MCC: variants seen among roughly 807,000 people sequenced by gnomAD.
The protein encoded by MCC is colorectal mutant cancer protein.
A neutral mutation model predicts 116.2 loss-of-function variants in MCC; 90 were observed. The ratio of observed to expected loss-of-function variants is 0.77; its 90% CI spans 0.65 to 0.92. The LOEUF is 0.92. MCC is among the 40% of genes least tolerant of loss of function. The pLI is 0.00. For synonymous variants in MCC, 578 were observed against 510.5 expected, an observed-to-expected ratio of 1.13 and a Z score of -1.78; for missense variants, 1,516 against 1,312.2, an observed-to-expected ratio of 1.16 and a Z score of -2.40.
intron 6 of MCC, among the ~76,000 whole-genome samples, chr5:113,114,270 A>C (rs1171397134): frequency 1.3e-5 from 2 of 152,238 alleles, no homozygotes; most frequent in Non-Finnish European, 2.9e-5. Context: ...CATTCTAGGC[A>C]AGAAGGTCTC....
intron 6 of MCC, among the ~76,000 whole-genome samples, chr5:113,105,298 C>A (rs754920681): frequency 6.6e-6 from 1 of 152,210 alleles, no homozygotes; most frequent in Non-Finnish European, 1.5e-5. Context: ...ATGCTTCTCA[C>A]CACAGGTTCC....
chr5:113,247,882 A>G (rs1401824480), intron 3 of MCC, among the ~76,000 whole-genome samples: 1 of 152,158 alleles, frequency 6.6e-6, no homozygotes, highest in African/African-American at 2.4e-5. Context: ...TCCAACAGCC[A>G]TTTACAAGTC....
chr5:113,215,704 C>A (rs1263838767), intron 3 of MCC, among the ~76,000 whole-genome samples: 3 of 152,130 alleles, frequency 2.0e-5, no homozygotes, highest in Non-Finnish European at 4.4e-5. Context: ...AATAAGCCTG[C>A]CGGCGCAATG....
At chr5:113,137,749 G>C (rs1401289757) in intron 5 of MCC, among the ~76,000 whole-genome samples, 1 of 152,148 alleles carries the variant, frequency 6.6e-6, no homozygotes, top group Non-Finnish European at 1.5e-5. Context: ...GTATTCATAA[G>C]AAGGGCCACT....
At chr5:113,383,534 C>A (rs1267088313) in intron 2 of MCC, among the ~76,000 whole-genome samples, 2 of 151,986 alleles carry the variant, frequency 1.3e-5, no homozygotes, top group African/African-American at 4.8e-5. Flanking sequence ...ACGAGAGAGA[C>A]AGAGGGAGAG....
At chr5:113,210,789 T>C (rs536995639) in intron 3 of MCC, among the ~76,000 whole-genome samples, 1 of 152,198 alleles carries the variant, frequency 6.6e-6, no homozygotes, top group African/African-American at 2.4e-5. Flanking sequence ...AGTATATGGC[T>C]GTCAGTTTTA....
chr5:113,325,255 C>A (rs1767524433), intron 3 of MCC, among the ~76,000 whole-genome samples: 1 of 152,114 alleles, frequency 6.6e-6, no homozygotes, highest in African/African-American at 2.4e-5. Context: ...CAAACTCTAA[C>A]CAATCCTAAC....
chr5:113,083,073 A>G, intron 10 of MCC, 65 bp from the exon 11 acceptor site: 1 of 1,474,538 alleles, frequency 6.8e-7, no homozygotes, highest in Non-Finnish European at 9.2e-7. Context: ...TTTTGCATGC[A>G]AAAGAATTTA....
At chr5:113,397,736 C>T (rs1769562777) in intron 1 of MCC, among the ~76,000 whole-genome samples, 1 of 152,040 alleles carries the variant, frequency 6.6e-6, no homozygotes, top group Admixed American at 6.6e-5. Flanking sequence ...TATAAAAATC[C>T]TAGTAGAAAA....
Position 113,068,143 on chromosome 5 carries a change from C to T in MCC, c.1966G>A (p.Ala656Thr). 6.2e-7 allele frequency: 1 copy of T among 1,614,162 alleles called. No individual in the cohort carries two copies. The highest frequency in any genetic ancestry group is 8.5e-7 in the Non-Finnish European group (1 of 1,180,024). ...IEAYELLLAL[A>T]ESEQSLILGQ... ...AGGATGAGGCTCTGCTCACTCTCTG[C>T]CAGCGCCAGGAGGAGTTCGTAGGCT... The change falls in exon 13 of 19, where the codon GCA (alanine) becomes ACA (threonine). Residue 656 changes from alanine (A) to threonine (T), a missense_variant. Ala to Thr is a moderately conservative substitution (Grantham distance 58). Coordinates refer to ENST00000408903, the MANE Select transcript of MCC (RefSeq NM_001085377.2).
chr5:113,029,044 C>T lies in MCC; in HGVS notation c.2769G>A (p.Leu923=), dbSNP rs1165052972. 70 of 1,612,728 alleles carry T rather than the reference C, an allele frequency of 4.3e-5. No individual in the cohort carries two copies. The highest frequency in any genetic ancestry group is 5.3e-5 in the Non-Finnish European group (62 of 1,179,444). The change falls in exon 18 of 19, where the codon TTG becomes TTA. Residue 923 remains leucine, a synonymous_variant. Transcript: ENST00000408903. Reference sequence around the variant, plus strand: ...TCACCAGCTCTTGAACTCTGGCCTTCAACTTCTTTTCTCTATATTAAAGGA... The same window carrying T: ...TCACCAGCTCTTGAACTCTGGCCTTTAACTTCTTTTCTCTATATTAAAGGA... ...FTNAIRREKK[L]KARVQELVSA... is the part of the protein sequence containing the mutation.
intron 5 of MCC, 76 bp downstream of exon 5, chr5:113,143,142 T>G: frequency 6.8e-7 from 1 of 1,466,774 alleles, no homozygotes; most frequent in Non-Finnish European, 9.1e-7. Context: ...GGAGTTAAAA[T>G]AGTTGGGGCT....
At chr5:113,300,503 G>A (rs531708789) in intron 3 of MCC, among the ~76,000 whole-genome samples, 14 of 152,188 alleles carry the variant, frequency 9.2e-5, no homozygotes, top group Non-Finnish European at 1.8e-4. Flanking sequence ...ATTGTAAAAG[G>A]AGAATGCTTT....
intron 1 of MCC, among the ~76,000 whole-genome samples, chr5:113,455,030 C>A (rs994661092): frequency 6.6e-6 from 1 of 152,180 alleles, no homozygotes; most frequent in Non-Finnish European, 1.5e-5. Flanking sequence ...TCCCCCAGGA[C>A]ACACCAAGCA....
intron 16 of MCC, among the ~76,000 whole-genome samples, chr5:113,047,432 G>C (rs940491158): frequency 1.3e-5 from 2 of 152,204 alleles, no homozygotes; most frequent in Non-Finnish European, 2.9e-5. Context: ...TCTTGTCTTG[G>C]CTCCTCAGCA....
chr5:113,400,981 C>A (rs1769667555), intron 1 of MCC, among the ~76,000 whole-genome samples: 1 of 152,108 alleles, frequency 6.6e-6, no homozygotes, highest in Non-Finnish European at 1.5e-5. Flanking sequence ...ACCCCAGATC[C>A]AAACATTATG....
At chr5:113,154,904 A>C (rs988018496) in intron 3 of MCC, among the ~76,000 whole-genome samples, 2 of 152,166 alleles carry the variant, frequency 1.3e-5, no homozygotes, top group African/African-American at 4.8e-5. Flanking sequence ...GAACATTTCA[A>C]ATCTCTTCTA....
chr5:113,379,017 A>G (rs1319040617), intron 2 of MCC, among the ~76,000 whole-genome samples: 1 of 152,164 alleles, frequency 6.6e-6, no homozygotes, highest in Non-Finnish European at 1.5e-5. Context: ...ATACCTCACA[A>G]CTGTTCTGGT....
At chr5:113,319,223 T>C (rs1233417050) in intron 3 of MCC, among the ~76,000 whole-genome samples, 2 of 152,192 alleles carry the variant, frequency 1.3e-5, no homozygotes, top group African/African-American at 4.8e-5. Context: ...AGAAGGCAAC[T>C]GTAAAAGTAA....
Sources: gnomAD v4.1 joint callset for allele counts (sites outside exome capture counted in the v4.1 genomes callset) on GRCh38, gnomAD v4.1.1 for gene constraint, MANE v1.5 for transcripts, NCBI Gene and HGNC (gene_info 2026-07-23, HGNC 2026-07-21) for gene names.